The following ENAM variants were observed in gnomAD, a reference collection of about 807,000 sequenced individuals.
ENAM encodes amelogenesis imperfecta 2, hypocalcification (autosomal dominant).
Under a neutral mutation model 33.6 loss-of-function variants are expected in ENAM, and 21 were observed. The observed-to-expected ratio is 0.63, with a 90% CI of 0.44 to 0.90. The LOEUF (loss-of-function observed/expected upper bound fraction) is 0.90, where lower values mean the gene tolerates loss of function less well. ENAM is among the 40% of genes least tolerant of loss of function. The pLI, the probability that ENAM is intolerant of heterozygous loss-of-function variation, is 0.00. For missense variants in ENAM, 1,388 were observed against 1,366.9 expected (o/e 1.02, Z -0.24); for synonymous variants, 473 against 468.4 (o/e 1.01, Z -0.13).
Position 70,644,350 on chromosome 4 carries a change from C to T in ENAM, c.2924C>T (p.Ala975Val), listed in dbSNP as rs2148523904. ...AAGGAAATTATGCCCTTTCCTGAAG[C>T]CAGTTCCCTTCAATCAAAGAATACA... ...GQKEIMPFPE[A>V]SSLQSKNTPC... is the part of the protein sequence containing the mutation. Residue 975 changes from alanine to valine, a missense_variant, in exon 9 of 9, where the codon GCC (alanine) becomes GTC (valine). Physicochemically the swap from Ala to Val is moderately conservative, Grantham distance 64 (BLOSUM62 0). Transcript: ENST00000396073. The T allele has an allele frequency of 6.2e-7, 1 of 1,614,194 alleles. No individual in the cohort carries two copies. The highest frequency in any genetic ancestry group is 1.3e-5 in the African/African-American group (1 of 75,048).
rs1738443477 is a variant in ENAM at position 70,636,001 on chromosome 4, C to A, written c.534+107C>A. On this transcript the variant is annotated intron_variant, in intron 7 of 8. Transcript: ENST00000396073. ...TTCTAATGGAATACCATATACCAAT[C>A]AGTAGATGGTATGAAACAAAACCAG... 3 of 603,540 alleles carry A rather than the reference C, an allele frequency of 5.0e-6. No homozygotes were observed. The Admixed American group carries it at 8.5e-5, about 17-fold the overall frequency. 37.4% of individuals were successfully genotyped at this position (603,540 alleles called of 1,614,324 possible). A position where few individuals can be genotyped will look rare whatever the true frequency, so the allele number is the denominator to read the frequency against.
chr4:70,638,865 T>C (rs186846958), intron 8 of ENAM, among the ~76,000 whole-genome samples: 1 of 150,588 alleles, frequency 6.6e-6, no homozygotes, highest in East Asian at 2.0e-4. Flanking sequence ...CGATCTCGGC[T>C]CACTGCAACC....
chr4:70,634,983 T>A (rs1430948182), intron 6 of ENAM, among the ~76,000 whole-genome samples: 4 of 152,172 alleles, frequency 2.6e-5, no homozygotes, highest in African/African-American at 7.2e-5. Flanking sequence ...AAAATATTGC[T>A]CTTAAATTAA....
In ENAM at chr4:70,644,496, C is replaced by T; in HGVS notation, c.3070C>T (p.Pro1024Ser). The change falls in exon 9 of 9, where the codon CCT becomes TCT. Residue 1024 changes from proline (P) to serine (S), a missense_variant. Physicochemically the swap from Pro to Ser is moderately conservative, Grantham distance 74 (BLOSUM62 -1). Transcript: ENST00000396073. ...LTPEQLVIGT[P>S]DEGSNPEGIQ... ...TCCTGAGCAGCTTGTTATTGGTACA[C>T]CTGATGAAGGCTCCAATCCAGAAGG... 1 of 1,614,096 alleles carries T rather than the reference C, an allele frequency of 6.2e-7. No individual in the cohort carries two copies. The highest frequency in any genetic ancestry group is 2.2e-5 in the East Asian group (1 of 44,882).
rs141129840 is a variant in ENAM at position 70,644,844 on chromosome 4, C to T, written c.3418C>T (p.Leu1140Phe). ...VQDQVQDCLL[L>F]QA is the part of the protein sequence containing the mutation. ...GGACCAGGTACAAGACTGCTTACTA[C>T]TTCAGGCCTAGGGGTTATCCAACCA... is the stretch of plus-strand genomic sequence containing the variant. Residue 1140 changes from leucine to phenylalanine, a missense_variant, in exon 9 of 9, where the codon CTT becomes TTT. Leu to Phe is a conservative substitution (Grantham distance 22). Transcript: ENST00000396073. The T allele has an allele frequency of 3.7e-6, 6 of 1,613,296 alleles. No homozygotes were observed. Among genetic ancestry groups the T allele is most frequent in the Non-Finnish European group, 5.1e-6 (6 of 1,179,348 alleles).
intron 7 of ENAM, 119 bp downstream of exon 7, chr4:70,636,013 T>G (rs1394365465): frequency 3.6e-6 from 2 of 558,970 alleles, no homozygotes; most frequent in Non-Finnish European, 6.3e-6. Flanking sequence ...GTAGATGGTA[T>G]GAAACAAAAC....
chr4:70,636,096 T>A (rs1301619994), intron 7 of ENAM, among the ~76,000 whole-genome samples: 1 of 152,146 alleles, frequency 6.6e-6, no homozygotes, highest in Non-Finnish European at 1.5e-5. Context: ...GTGACATAAA[T>A]ACAACCTAAA....
rs1426747559 is a variant in ENAM, at chr4:70,643,836, A to G, written c.2410A>G (p.Lys804Glu). ...QKAPARPPDQ[K>E]GNQPYYSNTP... ...AGCCCCAGCTAGGCCACCAGACCAG[A>G]AAGGTAACCAGCCCTATTACAGTAA... Residue 804 changes from lysine to glutamate, a missense_variant, in exon 9 of 9, where the codon AAA becomes GAA. Lys to Glu is a moderately conservative substitution (Grantham distance 56). Coordinates refer to ENST00000396073, the MANE Select transcript of ENAM (RefSeq NM_031889.3). The G allele has an allele frequency of 6.2e-7, 1 of 1,614,236 alleles. No individual in the cohort carries two copies. The highest frequency in any genetic ancestry group is 8.5e-7 in the Non-Finnish European group (1 of 1,180,038).
In ENAM at chr4:70,643,352, C is replaced by T. The variant is rs6813313; in HGVS notation, c.1926C>T (p.Thr642=). Residue 642 remains threonine, a synonymous_variant, in exon 9 of 9, where the codon ACC becomes ACT. Coordinates refer to ENST00000396073, the MANE Select transcript of ENAM (RefSeq NM_031889.3). ...QKESPLYPIN[T]PDQKEIVPYN... is the part of the protein sequence containing the mutation. The stretch of plus-strand genomic sequence containing the variant: ...AAAGTCCACTCTACCCCATAAATAC[C>T]CCAGACCAGAAGGAGATAGTCCCTT... The T allele has an allele frequency of 2.8e-3, 4,523 of 1,613,910 alleles. 113 individuals are homozygous for T. In the African/African-American group the frequency reaches 0.051, roughly 18 times the overall value.
intron 2 of ENAM, 41 bp downstream of exon 2, chr4:70,629,595 T>C (rs1186751531): frequency 1.5e-6 from 2 of 1,374,598 alleles, no homozygotes; most frequent in East Asian, 4.6e-5. Flanking sequence ...ATACAGGTTC[T>C]CAAACTAGAT....
Position 70,644,695 on chromosome 4 carries a change from C to T in ENAM, c.3269C>T (p.Thr1090Ile). The T allele has an allele frequency of 6.2e-7, 1 of 1,614,208 alleles. No homozygotes were observed. Among genetic ancestry groups the T allele is most frequent in the Non-Finnish European group, 8.5e-7 (1 of 1,180,032 alleles). ...TTTGATGGGGATTCAATTACGCCTA[C>T]TGAAAATCCTAACACATTGGTTGAG... ...SPFDGDSITPTENPNTLVELA... is the reference protein window; with the variant it reads ...SPFDGDSITPIENPNTLVELA... Residue 1090 changes from threonine to isoleucine, a missense_variant, in exon 9 of 9, where the codon ACT becomes ATT. Physicochemically the swap from Thr to Ile is moderately conservative, Grantham distance 89. Coordinates refer to ENST00000396073, the MANE Select transcript of ENAM (RefSeq NM_031889.3).
rs534691738 is a variant in ENAM, at chr4:70,631,110, GA to G, written c.55-553del. Among the ~76,000 whole-genome samples, 32 of 151,926 alleles carry G rather than the reference GA, an allele frequency of 2.1e-4. No individual in the cohort carries two copies. In the East Asian group the frequency reaches 6.0e-3, roughly 28 times the overall value. On this transcript the variant is annotated intron_variant, in intron 2 of 8. Coordinates refer to ENST00000396073, the MANE Select transcript of ENAM (RefSeq NM_031889.3). Reference sequence around the variant, plus strand: ...TAACAGGAACAATAGAGGAAACCAGGAAAAAAATAAGATTCTGCATATTCCA... The same window carrying G: ...TAACAGGAACAATAGAGGAAACCAGGAAAAAATAAGATTCTGCATATTCCA...
rs1738764859 is a variant in ENAM at position 70,646,449 on chromosome 4, A to G, written c.*1594A>G. 1 of 152,236 alleles carries G rather than the reference A, an allele frequency of 6.6e-6. No homozygotes were observed. Among genetic ancestry groups the G allele is most frequent in the African/African-American group, 2.4e-5 (1 of 41,456 alleles). The allele number at this position is 152,236 out of a possible 1,614,324, so 9.4% of individuals were successfully genotyped here. A position where few individuals can be genotyped will look rare whatever the true frequency, so the allele number is the denominator to read the frequency against. On this transcript the variant is annotated 3_prime_UTR_variant, in exon 9 of 9. Coordinates refer to ENST00000396073, the MANE Select transcript of ENAM (RefSeq NM_031889.3). ...CCTAAGAAAAGGAATCTTGCCCTTG[A>G]ATCTTCTGAAGTACCTAGCACAGTG... is the stretch of plus-strand genomic sequence containing the variant.
intron 2 of ENAM, among the ~76,000 whole-genome samples, chr4:70,630,132 T>A (rs1016609751): frequency 2.0e-5 from 3 of 152,176 alleles, no homozygotes; most frequent in African/African-American, 7.2e-5. Flanking sequence ...AATCTTTAAA[T>A]AGTAGGAAAG....
intron 8 of ENAM, among the ~76,000 whole-genome samples, chr4:70,638,923 G>A (rs1239334956): frequency 2.6e-5 from 4 of 150,984 alleles, no homozygotes; most frequent in Non-Finnish European, 3.0e-5. Context: ...TCAGCCTCCC[G>A]AGTAGCTGAG....
In ENAM at chr4:70,635,602, T is replaced by TGG. The variant is rs1415403792; in HGVS notation, c.472-229_472-228insGG. ...ATAGTTTATATCTTCTATGGTTATATGAGGATGAAATGAGTTTAACAATAT... is the reference window on the plus strand; with the variant it reads ...ATAGTTTATATCTTCTATGGTTATATGGGAGGATGAAATGAGTTTAACAATAT... On this transcript the variant is annotated intron_variant, in intron 6 of 8. Coordinates refer to ENST00000396073, the MANE Select transcript of ENAM (RefSeq NM_031889.3). Among the ~76,000 whole-genome samples the TGG allele has an allele frequency of 3.9e-5, 6 of 152,208 alleles. No individual in the cohort carries two copies. In the East Asian group the frequency reaches 9.6e-4, roughly 24 times the overall value.
At chr4:70,632,277 T>G (rs1315901831) in intron 4 of ENAM, among the ~76,000 whole-genome samples, 1 of 152,116 alleles carries the variant, frequency 6.6e-6, no homozygotes, top group Non-Finnish European at 1.5e-5. Flanking sequence ...TCAATACATA[T>G]CAGAAAGATG....
Position 70,642,108 on chromosome 4 carries a change from A to G in ENAM, c.682A>G (p.Lys228Glu). The G allele has an allele frequency of 6.2e-7, 1 of 1,614,112 alleles. No homozygotes were observed. Among genetic ancestry groups the G allele is most frequent in the South Asian group, 1.1e-5 (1 of 91,082 alleles). Reference sequence around the variant, plus strand: ...GTTTGAACAAGATTTTGAAAAACCCAAAGAAGAAGATCCTCCTAAAGCAGA... The same window carrying G: ...GTTTGAACAAGATTTTGAAAAACCCGAAGAAGAAGATCCTCCTAAAGCAGA... ...EMFEQDFEKP[K>E]EEDPPKAESP... is the part of the protein sequence containing the mutation. Residue 228 changes from lysine (K) to glutamate (E), a missense_variant, in exon 9 of 9, where the codon AAA (lysine) becomes GAA (glutamate). Physicochemically the swap from Lys to Glu is moderately conservative, Grantham distance 56. Transcript: ENST00000396073.
rs184967031 is a variant in ENAM at position 70,644,984 on chromosome 4, C to T, written c.*129C>T. 53 of 794,474 alleles carry T rather than the reference C, an allele frequency of 6.7e-5. 1 individual carries two copies. Among genetic ancestry groups the T allele is most frequent in the Admixed American group, 4.9e-4 (24 of 49,198 alleles). 49.2% of individuals were successfully genotyped at this position (794,474 alleles called of 1,614,324 possible). Reference sequence around the variant, plus strand: ...CTTGGTGATCCTTAAGTTTTCTCCCCTCTCAGCAATAGGAGTAGCGACCCA... The same window carrying T: ...CTTGGTGATCCTTAAGTTTTCTCCCTTCTCAGCAATAGGAGTAGCGACCCA... On this transcript the variant is annotated 3_prime_UTR_variant, in exon 9 of 9. Coordinates refer to ENST00000396073, the MANE Select transcript of ENAM (RefSeq NM_031889.3).
Sources: gnomAD v4.1 joint callset for allele counts (sites outside exome capture counted in the v4.1 genomes callset) on GRCh38, gnomAD v4.1.1 for gene constraint, MANE v1.5 for transcripts, NCBI Gene and HGNC (gene_info 2026-07-23, HGNC 2026-07-21) for gene names.